The following LMBR1 variants were observed in gnomAD, a reference collection of about 807,000 sequenced individuals.
LMBR1 encodes the protein limb development membrane protein 1.
LMBR1 carries 52 observed loss-of-function variants against 73.9 expected under a neutral mutation model. The ratio of observed to expected loss-of-function variants is 0.70; its 90% CI spans 0.56 to 0.89. The LOEUF (loss-of-function observed/expected upper bound fraction) is 0.89. Among genes scored for constraint, LMBR1 ranks in the 40% least tolerant of loss-of-function variants. LMBR1 has a pLI of 0.00. For missense variants in LMBR1, 539 were observed against 579.8 expected, an observed-to-expected ratio of 0.93 and a Z score of 0.72; for synonymous variants, 215 against 209.4, an observed-to-expected ratio of 1.03 and a Z score of -0.23.
At chr7:156,748,895 C>A (rs952900127) in intron 9 of LMBR1, among the ~76,000 whole-genome samples, 3 of 152,182 alleles carry the variant, frequency 2.0e-5, no homozygotes, top group Non-Finnish European at 4.4e-5. Flanking sequence ...TCCTCATTTA[C>A]TGATTTTATA....
chr7:156,728,683 CA>C lies in LMBR1; in HGVS notation c.875del (p.Leu292TrpfsTer44), dbSNP rs1451153635. Reference sequence around the variant, plus strand: ...GGAGAACCATAACAGCGGGATACACCAAATTTCTTTCCCATGCTGAAGCCTT... The same window carrying C: ...GGAGAACCATAACAGCGGGATACACCAATTTCTTTCCCATGCTGAAGCCTT... The part of the protein sequence containing the change: ...RKKASAWERN[L>X]VYPAVMVLLL... On this transcript the variant is annotated frameshift_variant, in exon 11 of 17. Transcript: ENST00000353442. LOFTEE classifies it high-confidence loss of function. The C allele has an allele frequency of 1.2e-6, 2 of 1,603,438 alleles. No homozygotes were observed. The highest frequency in any genetic ancestry group is 1.7e-6 in the Non-Finnish European group (2 of 1,177,290).
At chr7:156,704,666 G>A (rs571697100) in intron 15 of LMBR1, among the ~76,000 whole-genome samples, 24 of 148,376 alleles carry the variant, frequency 1.6e-4, no homozygotes, top group African/African-American at 5.7e-4. Context: ...CAAGCTCAAT[G>A]AGATGTAAGA....
At chr7:156,730,033 A>G (rs1032890920) in intron 10 of LMBR1, among the ~76,000 whole-genome samples, 2 of 152,236 alleles carry the variant, frequency 1.3e-5, no homozygotes, top group Non-Finnish European at 2.9e-5. Context: ...CCCAATATAT[A>G]AATGGCATGG....
intron 1 of LMBR1, among the ~76,000 whole-genome samples, chr7:156,887,999 A>C (rs1001989113): frequency 1.3e-5 from 2 of 152,230 alleles, no homozygotes; most frequent in Non-Finnish European, 2.9e-5. Flanking sequence ...AAGAAGAAAA[A>C]CAGAAAACAA....
At position 156,849,386 on chromosome 7, in the gene LMBR1, AC is replaced by A. The variant is rs1435648314; in HGVS notation, c.67-12502del. Among the ~76,000 whole-genome samples, 16 of 152,292 alleles carry A rather than the reference AC, an allele frequency of 1.1e-4. No individual in the cohort carries two copies. The East Asian group carries it at 3.1e-3, about 29-fold the overall frequency. On this transcript the variant is annotated intron_variant, in intron 1 of 16. Coordinates refer to ENST00000353442, the MANE Select transcript of LMBR1 (RefSeq NM_022458.4). ...ATGGGAGGGAGAGGATGGAAAAACTACCAATCAGGTACTACGTTTCTTATCT... is the reference window on the plus strand; with the variant it reads ...ATGGGAGGGAGAGGATGGAAAAACTACAATCAGGTACTACGTTTCTTATCT...
intron 1 of LMBR1, among the ~76,000 whole-genome samples, chr7:156,853,582 G>C (rs1251834704): frequency 6.6e-6 from 1 of 152,082 alleles, no homozygotes; most frequent in Non-Finnish European, 1.5e-5. Flanking sequence ...GCAGAAACTG[G>C]GTATCAAATG....
chr7:156,813,840 G>GA (rs1405453732), intron 4 of LMBR1, among the ~76,000 whole-genome samples: 2 of 151,634 alleles, frequency 1.3e-5, no homozygotes, highest in African/African-American at 2.4e-5. Flanking sequence ...TCCACATTCA[G>GA]AAAAAACACC....
intron 1 of LMBR1, among the ~76,000 whole-genome samples, chr7:156,869,177 A>G (rs1367458786): frequency 1.3e-5 from 2 of 152,166 alleles, no homozygotes; most frequent in Admixed American, 6.5e-5. Context: ...TTTTCCCATC[A>G]TGCCTTAAGT....
intron 16 of LMBR1, among the ~76,000 whole-genome samples, chr7:156,686,770 GA>G (rs1189621712): frequency 2.0e-5 from 3 of 152,222 alleles, no homozygotes; most frequent in Non-Finnish European, 4.4e-5. Flanking sequence ...TTAGCGAATG[GA>G]AAGTGGAAAT....
At chr7:156,741,057 T>C (rs1010678858) in intron 9 of LMBR1, among the ~76,000 whole-genome samples, 1 of 152,216 alleles carries the variant, frequency 6.6e-6, no homozygotes, top group Non-Finnish European at 1.5e-5. Context: ...TTTGCTTGTT[T>C]GTTTTTGCAA....
chr7:156,675,943 G>C, downstream of LMBR1: 1 of 1,411,386 alleles, frequency 7.1e-7, no homozygotes, highest in Non-Finnish European at 9.8e-7. Context: ...GTGGGGGGAG[G>C]TCGAGGACTC....
intron 9 of LMBR1, among the ~76,000 whole-genome samples, chr7:156,748,422 CCTAT>C (rs1429709296): frequency 2.0e-4 from 30 of 152,104 alleles, no homozygotes; most frequent in Non-Finnish European, 1.5e-5. Context: ...AATACCATCA[CCTAT>C]CTAAGTTGTA....
rs937686615 is a variant in LMBR1 at position 156,725,454 on chromosome 7, T to C, written c.1139A>G (p.Asp380Gly). Residue 380 changes from aspartate to glycine, a missense_variant, in exon 14 of 17, where the codon GAT becomes GGT. By Grantham distance (94) the Asp-to-Gly change is moderately conservative. Transcript: ENST00000353442. ...RFFGNFTPKKDDTTMTKIIGN... is the reference protein window; with the variant it reads ...RFFGNFTPKKGDTTMTKIIGN... Reference sequence around the variant, plus strand: ...CCTTACCTTTGTCATAGTTGTGTCATCTTTCTTGGGAGTAAAGTTTCCAAA... The same window carrying C: ...CCTTACCTTTGTCATAGTTGTGTCACCTTTCTTGGGAGTAAAGTTTCCAAA... The C allele has an allele frequency of 6.2e-7, 1 of 1,608,208 alleles. No individual in the cohort carries two copies. The highest frequency in any genetic ancestry group is 8.5e-7 in the Non-Finnish European group (1 of 1,175,838).
chr7:156,747,189 C>A (rs982516542), intron 9 of LMBR1, among the ~76,000 whole-genome samples: 2 of 152,108 alleles, frequency 1.3e-5, no homozygotes, highest in East Asian at 3.8e-4. Context: ...GCAATAAAAA[C>A]AACACCTTTC....
At chr7:156,775,969 C>G (rs1826052532) in intron 5 of LMBR1, among the ~76,000 whole-genome samples, 1 of 151,466 alleles carries the variant, frequency 6.6e-6, no homozygotes, top group Non-Finnish European at 1.5e-5. Flanking sequence ...GCCTCAGTTT[C>G]CTCCCATGTG....
chr7:156,784,768 T>A (rs1827780012), intron 5 of LMBR1, among the ~76,000 whole-genome samples: 1 of 152,150 alleles, frequency 6.6e-6, no homozygotes, highest in Admixed American at 6.5e-5. Flanking sequence ...CTCTACTTCC[T>A]CCAAGGTAAC....
chr7:156,842,923 C>T (rs1838970826), intron 1 of LMBR1, among the ~76,000 whole-genome samples: 1 of 152,104 alleles, frequency 6.6e-6, no homozygotes, highest in Non-Finnish European at 1.5e-5. Context: ...CCTTTCCAGC[C>T]AAGCGCTTCA....
At chr7:156,790,576 G>C (rs1287988105) in intron 5 of LMBR1, among the ~76,000 whole-genome samples, 1 of 151,744 alleles carries the variant, frequency 6.6e-6, no homozygotes, top group African/African-American at 2.4e-5. Flanking sequence ...ATACTATATA[G>C]GGTTCAATTC....
intron 15 of LMBR1, among the ~76,000 whole-genome samples, chr7:156,701,559 A>G (rs1198971569): frequency 6.6e-6 from 1 of 152,238 alleles, no homozygotes; most frequent in African/African-American, 2.4e-5. Flanking sequence ...CACTGACACC[A>G]TATGCTGGTG....
Sources: allele counts gnomAD v4.1 joint callset (sites outside exome capture counted in the v4.1 genomes callset), GRCh38; gene constraint gnomAD v4.1.1; transcripts MANE v1.5; gene names NCBI Gene and HGNC (gene_info 2026-07-23, HGNC 2026-07-21).